EYS: variants seen among roughly 807,000 people sequenced by gnomAD.
EYS encodes the protein protein eyes shut homolog.
EYS carries 250 observed loss-of-function variants against 282.1 expected under a neutral mutation model. The ratio of observed to expected loss-of-function variants is 0.89; its 90% CI spans 0.80 to 0.98. The LOEUF (loss-of-function observed/expected upper bound fraction) is 0.98, where lower values mean the gene tolerates loss of function less well. Ranked by LOEUF, EYS falls within the 50% of genes least tolerant of loss-of-function variation. EYS has a pLI of 0.00. For synonymous variants in EYS, 1,355 were observed against 1,282.9 expected (o/e 1.06, Z -1.20); for missense variants, 4,016 against 3,709.0 (o/e 1.08, Z -2.15).
At chr6:65,656,411 G>A (rs1017212400) in intron 1 of EYS, among the ~76,000 whole-genome samples, 2 of 151,866 alleles carry the variant, frequency 1.3e-5, no homozygotes, top group East Asian at 1.9e-4. Context: ...GCGGAAGTTC[G>A]TGAGGGAAAG....
intron 13 of EYS, among the ~76,000 whole-genome samples, chr6:65,019,908 A>C (rs1428460318): frequency 6.6e-6 from 1 of 151,794 alleles, no homozygotes; most frequent in African/African-American, 2.4e-5. Context: ...TGGCGGCAGC[A>C]AGAAGTGCCG....
In EYS at chr6:65,495,168, T is replaced by C. The variant is rs770039580; in HGVS notation, c.243A>G (p.Gln81=). 2.5e-6 allele frequency: 4 copies of C among 1,613,880 alleles called. No individual in the cohort carries two copies. Among genetic ancestry groups the C allele is most frequent in the Non-Finnish European group, 3.4e-6 (4 of 1,179,888 alleles). The part of the protein sequence containing the change: ...NQAVPQICPL[Q]IQLGDILVIS... ...TTACAAGGATATCTCCTAATTGAATTTGCAAAGGGCAAATCTGGGGAACAG... is the reference window on the plus strand; with the variant it reads ...TTACAAGGATATCTCCTAATTGAATCTGCAAAGGGCAAATCTGGGGAACAG... The change falls in exon 4 of 43, where the codon CAA becomes CAG. Residue 81 remains glutamine (Q), a synonymous_variant. Coordinates refer to ENST00000503581, the MANE Select transcript of EYS (RefSeq NM_001142800.2).
At chr6:65,277,943 T>C (rs1242049700) in intron 12 of EYS, among the ~76,000 whole-genome samples, 2 of 152,152 alleles carry the variant, frequency 1.3e-5, no homozygotes, top group Middle Eastern at 3.2e-3. Context: ...TTAAACATTG[T>C]GGGTGTTTCT....
intron 23 of EYS, 126 bp from the exon 24 acceptor site, chr6:64,617,659 C>T: frequency 1.5e-6 from 1 of 647,156 alleles, no homozygotes; most frequent in Non-Finnish European, 2.7e-6. Context: ...GTACAAATTA[C>T]CTCAGTGTAT....
At chr6:63,878,130 G>A (rs1179411142) in intron 35 of EYS, among the ~76,000 whole-genome samples, 1 of 152,184 alleles carries the variant, frequency 6.6e-6, no homozygotes, top group East Asian at 1.9e-4. Context: ...GGTCTTTGAT[G>A]ATGGTGATGT....
intron 41 of EYS, among the ~76,000 whole-genome samples, chr6:63,752,310 G>A (rs997805545): frequency 6.6e-6 from 1 of 151,774 alleles, no homozygotes; most frequent in Non-Finnish European, 1.5e-5. Context: ...CTAGTAACAT[G>A]CCAGATCATT....
In EYS at chr6:64,902,504, CAA is replaced by C. The variant is rs1483941780; in HGVS notation, c.2642-6_2642-5del. The stretch of plus-strand genomic sequence containing the variant: ...TCACAGTTTTTACCTTCAAATTCTG[CAA>C]AGAGTATGAGATGAGTATGGATGAG... On this transcript the variant is annotated splice_polypyrimidine_tract_variant and splice_region_variant and intron_variant, in intron 16 of 42. Coordinates refer to ENST00000503581, the MANE Select transcript of EYS (RefSeq NM_001142800.2). 5 of 1,516,084 alleles carry C rather than the reference CAA, an allele frequency of 3.3e-6. No homozygotes were observed. Among genetic ancestry groups the C allele is most frequent in the Admixed American group, 2.3e-5 (1 of 44,086 alleles). The allele number at this position is 1,516,084 out of a possible 1,614,324, so 93.9% of individuals were successfully genotyped here.
chr6:65,144,292 A>G (rs1764419813), intron 12 of EYS, among the ~76,000 whole-genome samples: 1 of 152,132 alleles, frequency 6.6e-6, no homozygotes, highest in African/African-American at 2.4e-5. Flanking sequence ...TTTGTGATCT[A>G]TGCTACGTAA....
At chr6:64,452,406 T>C (rs942789859) in intron 26 of EYS, among the ~76,000 whole-genome samples, 8 of 152,168 alleles carry the variant, frequency 5.3e-5, no homozygotes, top group African/African-American at 1.9e-4. Context: ...GTAGGAAGAA[T>C]CAATATCGTG....
chr6:65,284,513 C>T (rs1420321723), intron 12 of EYS, among the ~76,000 whole-genome samples: 2 of 151,968 alleles, frequency 1.3e-5, no homozygotes, highest in Non-Finnish European at 2.9e-5. Context: ...TGAATATTAT[C>T]TAATGCTATA....
chr6:64,372,696 G>T (rs1172658279), intron 29 of EYS, among the ~76,000 whole-genome samples: 1 of 151,820 alleles, frequency 6.6e-6, no homozygotes, highest in Non-Finnish European at 1.5e-5. Context: ...TTACAGATTT[G>T]GTCTCTTTAC....
chr6:64,269,275 TGAAAC>T (rs1343737807), intron 30 of EYS, among the ~76,000 whole-genome samples: 8 of 151,918 alleles, frequency 5.3e-5, no homozygotes, highest in Admixed American at 4.6e-4. Flanking sequence ...ACAATTAAAA[TGAAAC>T]AAAATACCAT....
intron 33 of EYS, among the ~76,000 whole-genome samples, chr6:64,007,448 G>T (rs1234702613): frequency 6.6e-6 from 1 of 151,406 alleles, no homozygotes; most frequent in Non-Finnish European, 1.5e-5. Context: ...GAAACACATA[G>T]GTTTTTTGAT....
chr6:65,263,219 T>C (rs1307723169), intron 12 of EYS, among the ~76,000 whole-genome samples: 2 of 151,986 alleles, frequency 1.3e-5, no homozygotes, highest in Non-Finnish European at 1.5e-5. Context: ...GGTGCACTTG[T>C]AGTCCCAGCT....
intron 37 of EYS, among the ~76,000 whole-genome samples, chr6:63,792,657 A>C (rs1302266128): frequency 1.3e-5 from 2 of 152,024 alleles, no homozygotes; most frequent in Non-Finnish European, 2.9e-5. Flanking sequence ...TTGCATGAGA[A>C]TCTTTGAAGC....
intron 31 of EYS, among the ~76,000 whole-genome samples, chr6:64,162,194 A>T (rs1775127996): frequency 6.6e-6 from 1 of 152,170 alleles, no homozygotes; most frequent in African/African-American, 2.4e-5. Flanking sequence ...CCCTCTGAAG[A>T]TTCATATGCA....
At chr6:64,071,654 A>G (rs1215677898) in intron 32 of EYS, among the ~76,000 whole-genome samples, 1 of 147,882 alleles carries the variant, frequency 6.8e-6, no homozygotes, top group African/African-American at 2.6e-5. Flanking sequence ...TATATCTCCT[A>G]ATTAGGTATA....
rs1769242237 is a variant in EYS at position 63,747,635 on chromosome 6, T to C, written c.8071+14826A>G. Among the ~76,000 whole-genome samples, 4 of 152,184 alleles carry C rather than the reference T, an allele frequency of 2.6e-5. No homozygotes were observed. The South Asian group carries it at 6.2e-4, about 24-fold the overall frequency. ...TTATATGAATCTGAGTGGTCCTGCA[T>C]TGGGTGTATAAATACTTAGGATAGT... On this transcript the variant is annotated intron_variant, in intron 41 of 42. Transcript: ENST00000503581.
intron 26 of EYS, among the ~76,000 whole-genome samples, chr6:64,559,874 C>T (rs1765343716): frequency 6.6e-6 from 1 of 151,990 alleles, no homozygotes; most frequent in African/African-American, 2.4e-5. Flanking sequence ...AAGCCTAGTA[C>T]CCAAGAGTTA....
Sources: gnomAD v4.1 joint callset for allele counts (sites outside exome capture counted in the v4.1 genomes callset) on GRCh38, gnomAD v4.1.1 for gene constraint, MANE v1.5 for transcripts, NCBI Gene and HGNC (gene_info 2026-07-23, HGNC 2026-07-21) for gene names.